API5: variants seen among roughly 807,000 people sequenced by gnomAD.
The protein encoded by API5 is apoptosis inhibitor 5, also known as FIF.
Under a neutral mutation model 71.9 loss-of-function variants are expected in API5, and 6 were observed. That is an observed-to-expected ratio of 0.08 (90% confidence interval 0.05 to 0.16). The LOEUF (loss-of-function observed/expected upper bound fraction) is 0.16. Ranked by LOEUF, API5 falls within the 10% of genes least tolerant of loss-of-function variation. The pLI, the probability that API5 is intolerant of heterozygous loss-of-function variation, is 1.00. For synonymous variants in API5, 189 were observed against 221.3 expected, an observed-to-expected ratio of 0.85 and a Z score of 1.30; for missense variants, 332 against 612.8, an observed-to-expected ratio of 0.54 and a Z score of 4.84.
In API5 at chr11:43,342,606, C is replaced by G. The variant is rs776525236; in HGVS notation, c.*96C>G. The G allele has an allele frequency of 8.1e-6, 10 of 1,227,288 alleles. No homozygotes were observed. Among genetic ancestry groups the G allele is most frequent in the Non-Finnish European group, 1.1e-5 (9 of 846,712 alleles). 76.0% of individuals were successfully genotyped at this position (1,227,288 alleles called of 1,614,324 possible). ...CGGGGATGTCCCTTTAAACAGACTG[C>G]TGCCTTCAGCTAAAAACTTAATGTT... On this transcript the variant is annotated 3_prime_UTR_variant, in exon 14 of 14. Coordinates refer to ENST00000531273, the MANE Select transcript of API5 (RefSeq NM_001142930.2).
chr11:43,328,005 G>T, intron 8 of API5, 127 bp downstream of exon 8: 2 of 524,862 alleles, frequency 3.8e-6, no homozygotes, highest in Non-Finnish European at 6.4e-6. Flanking sequence ...AATAAGTATT[G>T]TTAGCTTCCT....
At chr11:43,329,687 A>G (rs1300373908) in intron 9 of API5, among the ~76,000 whole-genome samples, 1 of 152,240 alleles carries the variant, frequency 6.6e-6, no homozygotes, top group African/African-American at 2.4e-5. Flanking sequence ...TCACAAAGAC[A>G]CTGCTTATTG....
rs773902350 is a variant in API5 at position 43,326,496 on chromosome 11, AT to A, written c.751-8del. The A allele has an allele frequency of 6.4e-7, 1 of 1,560,080 alleles. No homozygotes were observed. The highest frequency in any genetic ancestry group is 1.8e-5 in the Admixed American group (1 of 56,508). On this transcript the variant is annotated splice_polypyrimidine_tract_variant and intron_variant, in intron 6 of 13. Transcript: ENST00000531273. Reference sequence around the variant, plus strand: ...TTTTTCGACAATGCATTTTCTTTGGATTTCTTACAGAAAAATGTCCATTCCA... The same window carrying A: ...TTTTTCGACAATGCATTTTCTTTGGATTCTTACAGAAAAATGTCCATTCCA...
intron 11 of API5, 126 bp downstream of exon 11, chr11:43,330,690 T>C (rs558237283): frequency 3.7e-5 from 27 of 721,856 alleles, no homozygotes; most frequent in Non-Finnish European, 6.3e-5. Context: ...GCTCAAAGCA[T>C]TGAAACAGAT....
chr11:43,334,512 T>C (rs1855365844), intron 11 of API5, among the ~76,000 whole-genome samples: 2 of 152,158 alleles, frequency 1.3e-5, no homozygotes, highest in South Asian at 4.1e-4. Context: ...AGTATACTCA[T>C]TTTAACTGGG....
In API5 at chr11:43,323,656, A is replaced by G; in HGVS notation, c.750+20A>G. On this transcript the variant is annotated intron_variant, in intron 6 of 13. Transcript: ENST00000531273. The stretch of plus-strand genomic sequence containing the variant: ...TTCTCTGTGAGCTCTTTATTTTTAC[A>G]CACCCGGTATTAGCTATATATATAT... 1 of 1,604,374 alleles carries G rather than the reference A, an allele frequency of 6.2e-7. No individual in the cohort carries two copies. The highest frequency in any genetic ancestry group is 8.5e-7 in the Non-Finnish European group (1 of 1,171,656).
At chr11:43,336,710 T>C (rs1226461534) in intron 13 of API5, among the ~76,000 whole-genome samples, 2 of 152,110 alleles carry the variant, frequency 1.3e-5, no homozygotes, top group Non-Finnish European at 2.9e-5. Context: ...TTACCTTGCT[T>C]AAGAAGACAA....
chr11:43,330,725 G>A (rs545548414), intron 11 of API5, among the ~76,000 whole-genome samples, 161 bp downstream of exon 11: 11 of 152,284 alleles, frequency 7.2e-5, no homozygotes, highest in African/African-American at 2.6e-4. Context: ...AAATTTCAGC[G>A]ACTTAAGTTC....
At chr11:43,342,357 T>TA in intron 13 of API5, 71 bp from the exon 14 acceptor site, 1 of 1,296,902 alleles carries the variant, frequency 7.7e-7, no homozygotes, top group Non-Finnish European at 1.1e-6. Context: ...AGTTATGAGC[T>TA]ACGTTTCTTC....
At chr11:43,323,663 G>A (rs1435173974) in intron 6 of API5, 27 bp downstream of exon 6, 18 of 1,590,350 alleles carry the variant, frequency 1.1e-5, no homozygotes, top group Non-Finnish European at 1.6e-5. Flanking sequence ...TACACACCCG[G>A]TATTAGCTAT....
chr11:43,330,462 A>T, intron 10 of API5, 46 bp from the exon 11 acceptor site: 1 of 1,339,582 alleles, frequency 7.5e-7, no homozygotes, highest in Non-Finnish European at 1.1e-6. Context: ...ATTATGCCTC[A>T]TAGAAGTTAT....
At chr11:43,315,448 G>A (rs1854637248) in intron 1 of API5, among the ~76,000 whole-genome samples, 1 of 151,870 alleles carries the variant, frequency 6.6e-6, no homozygotes, top group Non-Finnish European at 1.5e-5. Context: ...CCTTCAGTAA[G>A]CATTTCTTTT....
At chr11:43,322,158 G>C (rs920649991) in intron 5 of API5, 22 bp downstream of exon 5, 6 of 1,575,042 alleles carry the variant, frequency 3.8e-6, no homozygotes, top group Non-Finnish European at 4.3e-6. Flanking sequence ...TCTTCATTTG[G>C]TGGAAATTCT....
intron 12 of API5, 142 bp from the exon 13 acceptor site, chr11:43,335,716 A>T: frequency 2.2e-6 from 2 of 922,744 alleles, no homozygotes; most frequent in Non-Finnish European, 3.1e-6. Flanking sequence ...TAATTTGATG[A>T]CATCAAATGT....
At chr11:43,341,659 G>A (rs1359013180) in intron 13 of API5, among the ~76,000 whole-genome samples, 2 of 152,286 alleles carry the variant, frequency 1.3e-5, no homozygotes, top group Non-Finnish European at 2.9e-5. Context: ...CCCTAGTGTT[G>A]TGTACCACTA....
In API5 at chr11:43,342,891, T is replaced by C. The variant is rs1268579312; in HGVS notation, c.*381T>C. On this transcript the variant is annotated 3_prime_UTR_variant, in exon 14 of 14. Coordinates refer to ENST00000531273, the MANE Select transcript of API5 (RefSeq NM_001142930.2). ...TTTGAAAGGTTACTGATTTTCCTCT[T>C]CCCTCTTAGTTTTTTACCCAATATA... The C allele has an allele frequency of 2.0e-6, 1 of 500,468 alleles. No homozygotes were observed. 31.0% of individuals were successfully genotyped at this position (500,468 alleles called of 1,614,324 possible). A position where few individuals can be genotyped will look rare whatever the true frequency, so the allele number is the denominator to read the frequency against.
intron 1 of API5, among the ~76,000 whole-genome samples, chr11:43,313,510 A>C (rs1336104154): frequency 6.6e-6 from 1 of 152,166 alleles, no homozygotes; most frequent in East Asian, 1.9e-4. Flanking sequence ...ATTCTAGTCT[A>C]TTAACAGTCG....
chr11:43,317,930 C>T (rs1854728024), intron 1 of API5, among the ~76,000 whole-genome samples: 1 of 152,202 alleles, frequency 6.6e-6, no homozygotes, highest in Non-Finnish European at 1.5e-5. Flanking sequence ...CCCACCTCGG[C>T]CTCCCAAAGT....
chr11:43,318,309 C>A, intron 1 of API5: 1 of 1,038,656 alleles, frequency 9.6e-7, no homozygotes, highest in Non-Finnish European at 1.4e-6. Context: ...ACGCCTGGCC[C>A]ATTACAAATT....
Sources: gnomAD v4.1 joint callset for allele counts (sites outside exome capture counted in the v4.1 genomes callset) on GRCh38, gnomAD v4.1.1 for gene constraint, MANE v1.5 for transcripts, NCBI Gene and HGNC (gene_info 2026-07-23, HGNC 2026-07-21) for gene names.